EPHB1: variants seen among roughly 807,000 people sequenced by gnomAD.
EPHB1 encodes the protein ephrin type-B receptor 1.
A neutral mutation model predicts 94.4 loss-of-function variants in EPHB1; 30 were observed. That is an observed-to-expected ratio of 0.32 (90% CI 0.24 to 0.43). EPHB1 has a LOEUF of 0.43. EPHB1 is among the 20% of genes least tolerant of loss of function. The probability of loss-of-function intolerance (pLI) is 1.00; values close to 1 mark genes in which losing one functional copy is unlikely to be tolerated. For missense variants in EPHB1, 1,055 were observed against 1,308.3 expected (o/e 0.81, Z 2.99); for synonymous variants, 522 against 489.1 (o/e 1.07, Z -0.89).
chr3:135,097,683 A>G lies in EPHB1; in HGVS notation c.806-8765A>G, dbSNP rs970233521. On this transcript the variant is annotated intron_variant, in intron 3 of 15. Transcript: ENST00000398015. Reference sequence around the variant, plus strand: ...GCCTGCAGCATTCATCAACTTCAGCAAGTGTCATCATGAGTGATACAAGTG... The same window carrying G: ...GCCTGCAGCATTCATCAACTTCAGCGAGTGTCATCATGAGTGATACAAGTG... Among the ~76,000 whole-genome samples the G allele has an allele frequency of 3.9e-5, 6 of 152,336 alleles. No individual in the cohort carries two copies. In the East Asian group the frequency reaches 1.2e-3, roughly 29 times the overall value.
intron 12 of EPHB1, among the ~76,000 whole-genome samples, chr3:135,237,227 G>C (rs1943676900): frequency 6.6e-6 from 1 of 151,854 alleles, no homozygotes; most frequent in Non-Finnish European, 1.5e-5. Flanking sequence ...GAGGATGACA[G>C]GGTTAGGATT....
chr3:134,958,775 C>T (rs1043118558), intron 3 of EPHB1, among the ~76,000 whole-genome samples: 2 of 152,116 alleles, frequency 1.3e-5, no homozygotes, highest in African/African-American at 4.8e-5. Context: ...GACTGTGACA[C>T]CGGCATGAGC....
At chr3:134,880,576 G>C (rs1444180798) in intron 1 of EPHB1, among the ~76,000 whole-genome samples, 1 of 152,206 alleles carries the variant, frequency 6.6e-6, no homozygotes, top group African/African-American at 2.4e-5. Context: ...ACAGCCAAGA[G>C]ATGACCCCAA....
chr3:134,932,529 G>A (rs1408060434), intron 2 of EPHB1, among the ~76,000 whole-genome samples: 2 of 152,158 alleles, frequency 1.3e-5, no homozygotes, highest in Non-Finnish European at 2.9e-5. Context: ...CAAATAAACT[G>A]GCTATTTTTC....
intron 1 of EPHB1, among the ~76,000 whole-genome samples, chr3:134,882,668 C>T (rs1578166624): frequency 1.3e-5 from 2 of 151,604 alleles, no homozygotes; most frequent in East Asian, 3.9e-4. Flanking sequence ...CTCCTTCCTT[C>T]CTTCCTTCCT....
At chr3:134,860,154 C>CACACACACACACAG (rs759683919) in intron 1 of EPHB1, among the ~76,000 whole-genome samples, 5,214 of 73,670 alleles carry the variant, frequency 0.071, 141 homozygotes, top group Admixed American at 0.1. Flanking sequence ...GGAAGGGACA[C>CACACACACACACAG]ACACACACAC....
chr3:135,238,358 C>T (rs1034605351), intron 12 of EPHB1, among the ~76,000 whole-genome samples: 1 of 152,134 alleles, frequency 6.6e-6, no homozygotes, highest in Admixed American at 6.6e-5. Context: ...AGGGGGGCGG[C>T]GGTGACAGCC....
intron 3 of EPHB1, among the ~76,000 whole-genome samples, chr3:135,085,892 C>CT (rs1436326318): frequency 6.6e-6 from 1 of 152,196 alleles, no homozygotes; most frequent in Non-Finnish European, 1.5e-5. Context: ...GAAATCATTT[C>CT]TTAGTGCCAT....
At chr3:135,001,854 A>G (rs542291080) in intron 3 of EPHB1, among the ~76,000 whole-genome samples, 9 of 152,214 alleles carry the variant, frequency 5.9e-5, no homozygotes, top group African/African-American at 9.6e-5. Context: ...ATGTACCATA[A>G]CTTATTTAAC....
chr3:135,109,132 C>T (rs1043514997), intron 4 of EPHB1, among the ~76,000 whole-genome samples: 1 of 152,192 alleles, frequency 6.6e-6, no homozygotes, highest in Non-Finnish European at 1.5e-5. Context: ...CTGTAGTGCT[C>T]CCTGAGGCAC....
intron 1 of EPHB1, among the ~76,000 whole-genome samples, chr3:134,872,646 A>G (rs746633467): frequency 6.6e-6 from 1 of 152,172 alleles, no homozygotes; most frequent in Admixed American, 6.5e-5. Context: ...TTGACATCCA[A>G]TTTACTCAAT....
intron 1 of EPHB1, among the ~76,000 whole-genome samples, chr3:134,816,683 T>A (rs1192745889): frequency 6.6e-6 from 1 of 152,024 alleles, no homozygotes; most frequent in East Asian, 1.9e-4. Context: ...ATCATTCTTC[T>A]GCTTGCCAAT....
chr3:135,176,210 C>T (rs539188094), intron 9 of EPHB1, among the ~76,000 whole-genome samples: 11 of 152,256 alleles, frequency 7.2e-5, no homozygotes, highest in Admixed American at 1.3e-4. Context: ...CAGACTGCCG[C>T]CCCACACAGA....
At chr3:135,048,809 A>G (rs1048739835) in intron 3 of EPHB1, among the ~76,000 whole-genome samples, 1 of 152,186 alleles carries the variant, frequency 6.6e-6, no homozygotes, top group African/African-American at 2.4e-5. Context: ...TTTGTGCCTC[A>G]TCCTATGAGT....
intron 6 of EPHB1, chr3:135,154,538 C>T (rs1179852533): frequency 8.0e-6 from 3 of 376,908 alleles, no homozygotes; most frequent in Non-Finnish European, 1.4e-5. Flanking sequence ...CTGGGAAGGA[C>T]CAGTCCCATT....
intron 5 of EPHB1, among the ~76,000 whole-genome samples, 170 bp from the exon 6 acceptor site, chr3:135,153,982 T>C (rs55899929): frequency 2.4e-4 from 36 of 152,332 alleles, no homozygotes; most frequent in Middle Eastern, 3.4e-3. Context: ...CCAATCTCCA[T>C]TGATTCTGCA....
intron 9 of EPHB1, among the ~76,000 whole-genome samples, chr3:135,178,219 C>CGGGGGGGGGGGG (rs775780350): frequency 7.3e-5 from 7 of 96,226 alleles, no homozygotes; most frequent in African/African-American, 2.9e-4. Context: ...TTTGGGAGGC[C>CGGGGGGGGGGGG]GGGGAGGGGG....
intron 1 of EPHB1, among the ~76,000 whole-genome samples, chr3:134,804,383 T>C (rs2108283465): frequency 6.6e-6 from 1 of 152,324 alleles, no homozygotes; most frequent in Middle Eastern, 3.4e-3. Flanking sequence ...TTCAATTCCC[T>C]TGGCGTTGGT....
intron 11 of EPHB1, among the ~76,000 whole-genome samples, chr3:135,199,015 C>T (rs1942693136): frequency 6.6e-6 from 1 of 152,092 alleles, no homozygotes; most frequent in African/African-American, 2.4e-5. Flanking sequence ...AATTTTAAAA[C>T]AAATCAGATA....
Sources: allele counts gnomAD v4.1 joint callset (sites outside exome capture counted in the v4.1 genomes callset), GRCh38; gene constraint gnomAD v4.1.1; transcripts MANE v1.5; gene names NCBI Gene and HGNC (gene_info 2026-07-23, HGNC 2026-07-21).